The following CNTNAP2 variants were observed in gnomAD, a reference collection of about 807,000 sequenced individuals.
CNTNAP2 encodes contactin-associated protein-like 2.
Under a neutral mutation model 155.2 loss-of-function variants are expected in CNTNAP2, and 98 were observed. The ratio of observed to expected loss-of-function variants is 0.63; its 90% confidence interval spans 0.54 to 0.75. The LOEUF is 0.75. CNTNAP2 is among the 30% of genes least tolerant of loss of function. The probability of loss-of-function intolerance (pLI) is 0.00; values close to 1 mark genes in which losing one functional copy is unlikely to be tolerated. For synonymous variants in CNTNAP2, 651 were observed against 631.2 expected (o/e 1.03, Z -0.47); for missense variants, 1,727 against 1,688.1 (o/e 1.02, Z -0.40).
chr7:146,504,310 A>G (rs1001727699), intron 1 of CNTNAP2, among the ~76,000 whole-genome samples: 1 of 152,210 alleles, frequency 6.6e-6, no homozygotes, highest in Admixed American at 6.5e-5. Context: ...CATAGGCCAG[A>G]GCCCAGAGAC....
At chr7:148,048,591 G>A (rs1802820082) in intron 15 of CNTNAP2, among the ~76,000 whole-genome samples, 1 of 152,076 alleles carries the variant, frequency 6.6e-6, no homozygotes, top group African/African-American at 2.4e-5. Flanking sequence ...TGAGAACTCT[G>A]GGTCCTCTTG....
intron 1 of CNTNAP2, among the ~76,000 whole-genome samples, chr7:146,585,690 C>T (rs1469550367): frequency 1.4e-5 from 2 of 143,620 alleles, no homozygotes; most frequent in African/African-American, 5.2e-5. Flanking sequence ...GGCTAAAACT[C>T]ATCTGTACGA....
intron 1 of CNTNAP2, among the ~76,000 whole-genome samples, chr7:146,243,552 GTA>G (rs1799596960): frequency 6.6e-6 from 1 of 152,208 alleles, no homozygotes; most frequent in African/African-American, 2.4e-5. Context: ...GGGGTTTGTT[GTA>G]TAGTGTTTAC....
chr7:146,504,234 C>T (rs116020802), intron 1 of CNTNAP2, among the ~76,000 whole-genome samples: 2,989 of 152,268 alleles, frequency 0.02, 93 homozygotes, highest in African/African-American at 0.066. Flanking sequence ...GCCACAGCAG[C>T]AATACAGGGA....
At chr7:147,215,976 C>T (rs543384585) in intron 8 of CNTNAP2, among the ~76,000 whole-genome samples, 3 of 152,034 alleles carry the variant, frequency 2.0e-5, no homozygotes, top group Non-Finnish European at 4.4e-5. Context: ...TATTTGCCAT[C>T]TGTAAATATT....
intron 1 of CNTNAP2, among the ~76,000 whole-genome samples, chr7:146,151,486 G>T (rs1410636195): frequency 6.7e-6 from 1 of 149,958 alleles, no homozygotes; most frequent in African/African-American, 2.4e-5. Flanking sequence ...ATGAGATCAT[G>T]TGGTTTTTGT....
At chr7:147,957,207 G>A (rs1164835369) in intron 14 of CNTNAP2, among the ~76,000 whole-genome samples, 1 of 152,200 alleles carries the variant, frequency 6.6e-6, no homozygotes, top group African/African-American at 2.4e-5. Flanking sequence ...TGGGTTAGCA[G>A]AGAATGAGAT....
At chr7:146,167,870 A>C (rs1314068334) in intron 1 of CNTNAP2, among the ~76,000 whole-genome samples, 1 of 152,202 alleles carries the variant, frequency 6.6e-6, no homozygotes, top group African/African-American at 2.4e-5. Context: ...CAAGTCCCAA[A>C]GCCTCAAAAG....
intron 1 of CNTNAP2, among the ~76,000 whole-genome samples, chr7:146,165,750 C>T (rs1373623408): frequency 3.9e-5 from 6 of 152,046 alleles, no homozygotes; most frequent in Admixed American, 3.9e-4. Context: ...GAGATAGATA[C>T]AGCATAAAAC....
At chr7:147,704,682 G>A (rs1796283766) in intron 13 of CNTNAP2, 1 of 152,266 alleles carries the variant, frequency 6.6e-6, no homozygotes, top group South Asian at 2.1e-4. Flanking sequence ...AAGTTTGTTA[G>A]AATTCAACAT....
intron 1 of CNTNAP2, among the ~76,000 whole-genome samples, chr7:146,455,539 A>T (rs866789264): frequency 6.6e-6 from 1 of 152,214 alleles, no homozygotes; most frequent in Admixed American, 6.5e-5. Flanking sequence ...TTAAGGACAC[A>T]GGAGGCATCC....
chr7:147,255,031 TATG>T (rs1198526817), intron 8 of CNTNAP2, among the ~76,000 whole-genome samples: 2 of 152,156 alleles, frequency 1.3e-5, no homozygotes, highest in Non-Finnish European at 2.9e-5. Flanking sequence ...GATATAAAAT[TATG>T]ATGGGGAAAA....
intron 14 of CNTNAP2, among the ~76,000 whole-genome samples, chr7:147,976,112 A>G (rs1801422439): frequency 6.6e-6 from 1 of 152,160 alleles, no homozygotes; most frequent in South Asian, 2.1e-4. Flanking sequence ...CTTTTTTAAA[A>G]CCATTTAAAT....
chr7:147,305,478 G>A (rs1263798034), intron 9 of CNTNAP2, among the ~76,000 whole-genome samples: 2 of 152,248 alleles, frequency 1.3e-5, no homozygotes, highest in Admixed American at 1.3e-4. Flanking sequence ...ATCCATCAAA[G>A]AATACGAACT....
chr7:146,918,007 G>A (rs1019365684), intron 3 of CNTNAP2, among the ~76,000 whole-genome samples: 4 of 152,066 alleles, frequency 2.6e-5, no homozygotes, highest in African/African-American at 9.7e-5. Flanking sequence ...ATAACCCAGT[G>A]CTCTTTTGGT....
At chr7:147,303,172 G>A (rs899768696) in intron 9 of CNTNAP2, among the ~76,000 whole-genome samples, 3 of 152,198 alleles carry the variant, frequency 2.0e-5, no homozygotes, top group African/African-American at 7.2e-5. Flanking sequence ...TCTCTAAAAG[G>A]TGTTGTGGCA....
intron 9 of CNTNAP2, among the ~76,000 whole-genome samples, chr7:147,389,809 T>A (rs568929665): frequency 7.2e-5 from 11 of 152,324 alleles, no homozygotes; most frequent in Admixed American, 5.9e-4. Flanking sequence ...AGACATTGTA[T>A]TTTTTATTCC....
chr7:148,278,107 G>A (rs927366661), intron 21 of CNTNAP2, among the ~76,000 whole-genome samples: 3 of 152,174 alleles, frequency 2.0e-5, no homozygotes, highest in African/African-American at 7.2e-5. Flanking sequence ...CAAATCCATA[G>A]TCGAGGAGAA....
At chr7:147,305,220 T>C (rs1185459768) in intron 9 of CNTNAP2, among the ~76,000 whole-genome samples, 1 of 152,182 alleles carries the variant, frequency 6.6e-6, no homozygotes, top group Non-Finnish European at 1.5e-5. Flanking sequence ...GCAAAACCAG[T>C]TGGGGTTTTT....
Sources: gnomAD v4.1 joint callset for allele counts (sites outside exome capture counted in the v4.1 genomes callset) on GRCh38, gnomAD v4.1.1 for gene constraint, MANE v1.5 for transcripts, NCBI Gene and HGNC (gene_info 2026-07-23, HGNC 2026-07-21) for gene names.